Variants in PACS2 observed in about 807,000 individuals in gnomAD.
The protein encoded by PACS2 is PACS1-like protein.
In PACS2, 36 loss-of-function variants were observed where a neutral mutation model predicts 113.0. That is an observed-to-expected ratio of 0.32 (90% CI 0.24 to 0.42). The LOEUF is 0.42. Ranked by LOEUF, PACS2 falls within the 10% of genes least tolerant of loss-of-function variation. The pLI is 1.00. For synonymous variants in PACS2, 589 were observed against 536.1 expected (o/e 1.10, Z -1.36); for missense variants, 1,015 against 1,239.5 (o/e 0.82, Z 2.72).
chr14:105,316,793 G>C (rs1186213697), intron 1 of PACS2, among the ~76,000 whole-genome samples: 1 of 152,112 alleles, frequency 6.6e-6, no homozygotes, highest in Non-Finnish European at 1.5e-5. Flanking sequence ...TGCTGGGGGG[G>C]GTCCCGAGCT....
intron 11 of PACS2, 24 bp downstream of exon 11, chr14:105,380,178 A>G (rs782764927): frequency 2.6e-6 from 4 of 1,539,624 alleles, no homozygotes; most frequent in Non-Finnish European, 1.8e-6. Context: ...GGCCGCACCC[A>G]CCCGTTCCAC....
At chr14:105,382,116 A>T in intron 13 of PACS2, 58 bp downstream of exon 13, 1 of 1,500,230 alleles carries the variant, frequency 6.7e-7, no homozygotes, top group Non-Finnish European at 8.9e-7. Flanking sequence ...CCCTGGCACC[A>T]ACCAGAGCAG....
At chr14:105,349,521 T>C (rs782815183) in intron 2 of PACS2, among the ~76,000 whole-genome samples, 32 of 152,258 alleles carry the variant, frequency 2.1e-4, no homozygotes, top group Non-Finnish European at 7.3e-5. Context: ...ACACGGGGTC[T>C]CCGGGTCTCC....
At position 105,314,990 on chromosome 14, in the gene PACS2, G is replaced by A. The variant is rs767806548; in HGVS notation, c.72G>A (p.Leu24=). 1 of 1,252,436 alleles carries A rather than the reference G, an allele frequency of 8.0e-7. No homozygotes were observed. Among genetic ancestry groups the A allele is most frequent in the South Asian group, 1.6e-5 (1 of 63,090 alleles). 77.6% of individuals were successfully genotyped at this position (1,252,436 alleles called of 1,614,324 possible). A position where few individuals can be genotyped will look rare whatever the true frequency, so the allele number is the denominator to read the frequency against. ...GALNTPVPMN[L]FATWEVDGSS... ...TCAACACGCCCGTGCCCATGAACCT[G>A]TTCGCCACCTGGGAGGTGGACGGCT... is the stretch of plus-strand genomic sequence containing the variant. The change falls in exon 1 of 25, where the codon CTG becomes CTA. Residue 24 remains leucine (L), a synonymous_variant. Transcript: ENST00000447393.
intron 9 of PACS2, among the ~76,000 whole-genome samples, chr14:105,378,172 C>T (rs771736140): frequency 5.3e-5 from 8 of 152,248 alleles, no homozygotes; most frequent in Non-Finnish European, 1.2e-4. Flanking sequence ...TTTAACGGCT[C>T]ACGTGATTCC....
chr14:105,384,065 C>A, intron 16 of PACS2: 1 of 422,854 alleles, frequency 2.4e-6, no homozygotes, highest in Non-Finnish European at 4.3e-6. Flanking sequence ...ACGTCAGAGC[C>A]CTGAGCCAGC....
rs1555405839 is a variant in PACS2 at position 105,358,951 on chromosome 14, G to A, written c.423+3774G>A. Among the ~76,000 whole-genome samples the A allele has an allele frequency of 2.0e-5, 3 of 152,232 alleles. No individual in the cohort carries two copies. The highest frequency in any genetic ancestry group is 7.2e-5 in the African/African-American group (3 of 41,460). On this transcript the variant is annotated intron_variant, in intron 4 of 24. Transcript: ENST00000447393. This position sits in a 1 kb window ranked among gnomAD's most constrained non-coding sequence, Gnocchi z 4.9. The stretch of plus-strand genomic sequence containing the variant: ...GCTGCATATCAATGGGTGGCCCCGT[G>A]AGAATATGATGGCACTGGACACTTC...
chr14:105,314,570 C>T (rs1397515590), upstream of PACS2: 1 of 145,732 alleles, frequency 6.9e-6, no homozygotes, highest in Admixed American at 6.8e-5. Context: ...GAAGCGCGCG[C>T]GCACCTCACT....
chr14:105,352,815 C>T (rs1481630228), intron 3 of PACS2, among the ~76,000 whole-genome samples: 2 of 132,840 alleles, frequency 1.5e-5, no homozygotes, highest in Non-Finnish European at 3.2e-5. Flanking sequence ...CGGGCCCCCC[C>T]ATCACTGTCC....
chr14:105,328,451 C>T (rs1238996795), intron 1 of PACS2, among the ~76,000 whole-genome samples: 1 of 152,180 alleles, frequency 6.6e-6, no homozygotes, highest in East Asian at 1.9e-4. Context: ...GAGTTGGACA[C>T]GGACGCTCCA....
chr14:105,363,041 A>G (rs2060793882), intron 4 of PACS2, among the ~76,000 whole-genome samples: 1 of 152,208 alleles, frequency 6.6e-6, no homozygotes, highest in South Asian at 2.1e-4. Flanking sequence ...AATAGGTCTC[A>G]TAGTGGGCTT....
rs1297405305 is a variant in PACS2 at position 105,348,131 on chromosome 14, A to G, written c.120-362A>G. Among the ~76,000 whole-genome samples, 1 of 151,982 alleles carries G rather than the reference A, an allele frequency of 6.6e-6. No individual in the cohort carries two copies. Among genetic ancestry groups the G allele is most frequent in the Non-Finnish European group, 1.5e-5 (1 of 67,954 alleles). On this transcript the variant is annotated intron_variant, in intron 1 of 24. Coordinates refer to ENST00000447393, the MANE Select transcript of PACS2 (RefSeq NM_001100913.3). The surrounding 1 kb of genome is among the most constrained non-coding windows in gnomAD (Gnocchi z 6.4). ...CGGGAGAGGGGAGGCCTGTGCTCTC[A>G]CAGCTGGGAGCTGGCTCAGGACTCT...
In PACS2 at chr14:105,382,036, G is replaced by C. The variant is rs888172387; in HGVS notation, c.1391G>C (p.Ser464Thr). 1.3e-6 allele frequency: 2 copies of C among 1,548,804 alleles called. No individual in the cohort carries two copies. Among genetic ancestry groups the C allele is most frequent in the Non-Finnish European group, 1.7e-6 (2 of 1,147,030 alleles). Residue 464 changes from serine (S) to threonine (T), a missense_variant, in exon 13 of 25, where the codon AGC (serine) becomes ACC (threonine). Physicochemically the swap from Ser to Thr is moderately conservative, Grantham distance 58. This residue lies in a region of PACS2 where 859 missense variants were observed against 1,056.8 expected (regional missense o/e 0.81). Transcript: ENST00000447393. ...LDNERCPDAR[S>T]QLQVQLQIPR... ...AACGAGCGCTGCCCGGACGCCCGGA[G>C]CCAGCTACAGGTGCAGCTGCAGGTG...
intron 1 of PACS2, among the ~76,000 whole-genome samples, chr14:105,331,215 A>G (rs2059292788): frequency 6.6e-6 from 1 of 152,134 alleles, no homozygotes; most frequent in Admixed American, 6.5e-5. Flanking sequence ...TCGGCCTCCC[A>G]AAGTGCTGGG....
chr14:105,364,501 CGGTGGGCGGTGGCCTG>C (rs1269887223), intron 4 of PACS2, among the ~76,000 whole-genome samples: 1 of 138,080 alleles, frequency 7.2e-6, no homozygotes, highest in African/African-American at 2.7e-5. Context: ...CCCGGGTGCG[CGGTGGGCGGTGGCCTG>C]GGTGCGCGGT....
At position 105,363,294 on chromosome 14, in the gene PACS2, C is replaced by G. The variant is rs587748163; in HGVS notation, c.424-3919C>G. ...CTTCTCCTCTCTAGCTATGAAAGTC[C>G]TAGATGGCATCTTCTTCCAATGGAA... On this transcript the variant is annotated intron_variant, in intron 4 of 24. Transcript: ENST00000447393. Among the ~76,000 whole-genome samples, 17 of 152,326 alleles carry G rather than the reference C, an allele frequency of 1.1e-4. No individual in the cohort carries two copies. The East Asian group carries it at 3.3e-3, about 29-fold the overall frequency.
intron 9 of PACS2, among the ~76,000 whole-genome samples, chr14:105,378,382 A>G (rs2080860590): frequency 6.6e-6 from 1 of 152,172 alleles, no homozygotes; most frequent in Non-Finnish European, 1.5e-5. Flanking sequence ...AGACACTGCT[A>G]AGTCCCGTCT....
At chr14:105,353,406 GC>G (rs1334766407) in intron 3 of PACS2, among the ~76,000 whole-genome samples, 2 of 140,914 alleles carry the variant, frequency 1.4e-5, no homozygotes, top group African/African-American at 5.4e-5. Flanking sequence ...TGGGGTGACG[GC>G]CCCCCCTCAT....
chr14:105,301,472 G>A (rs1419241175), intron 1 of PACS2, among the ~76,000 whole-genome samples: 1 of 151,814 alleles, frequency 6.6e-6, no homozygotes, highest in Non-Finnish European at 1.5e-5. Flanking sequence ...GGCTCCTGAG[G>A]GCGACCTGGG....
Sources: allele counts gnomAD v4.1 joint callset (sites outside exome capture counted in the v4.1 genomes callset), GRCh38; gene constraint gnomAD v4.1.1; regional missense constraint gnomAD v4.1.1; non-coding constraint Gnocchi (gnomAD v3.1); transcripts MANE v1.5; gene names NCBI Gene and HGNC (gene_info 2026-07-23, HGNC 2026-07-21).